Variants in CSMD2 observed in about 807,000 individuals in gnomAD.
CSMD2 encodes CUB and Sushi multiple domains 2.
Under a neutral mutation model 398.5 loss-of-function variants are expected in CSMD2, and 130 were observed. The observed-to-expected ratio is 0.33, with a 90% confidence interval of 0.28 to 0.38. The LOEUF (loss-of-function observed/expected upper bound fraction) is 0.38. Ranked by LOEUF, CSMD2 falls within the 10% of genes least tolerant of loss-of-function variation. The pLI, the probability that CSMD2 is intolerant of heterozygous loss-of-function variation, is 1.00. For synonymous variants in CSMD2, 1,828 were observed against 1,908.5 expected (o/e 0.96, Z 1.10); for missense variants, 3,829 against 4,764.9 (o/e 0.80, Z 5.78).
At chr1:33,573,305 G>A (rs1019097796) in intron 49 of CSMD2, among the ~76,000 whole-genome samples, 2 of 152,050 alleles carry the variant, frequency 1.3e-5, no homozygotes, top group South Asian at 2.1e-4. Flanking sequence ...TTTAAAATAC[G>A]ATCAAGGATC....
At chr1:33,868,503 C>T (rs532020429) in intron 5 of CSMD2, among the ~76,000 whole-genome samples, 69 of 152,060 alleles carry the variant, frequency 4.5e-4, no homozygotes, top group African/African-American at 1.6e-3. Flanking sequence ...TTTGGGAGGC[C>T]GAGGTGGGTG....
intron 25 of CSMD2, among the ~76,000 whole-genome samples, chr1:33,687,739 A>C (rs1645104581): frequency 6.6e-6 from 1 of 152,184 alleles, no homozygotes; most frequent in African/African-American, 2.4e-5. Context: ...AATAAAAATA[A>C]TGAAAAGCAT....
intron 1 of CSMD2, among the ~76,000 whole-genome samples, chr1:34,137,417 T>C (rs1638865491): frequency 6.6e-6 from 1 of 152,204 alleles, no homozygotes. Context: ...CTTCTCTTCC[T>C]CTCATGCCCA....
Position 34,089,165 on chromosome 1 carries a change from A to T in CSMD2, c.216T>A (p.Gly72=). Reference sequence around the variant, plus strand: ...CTGGGCTCTCAACTGTCCCATTGGGACCGTGCAGTTGGAACGTGCAGTTCT... The same window carrying T: ...CTGGGCTCTCAACTGTCCCATTGGGTCCGTGCAGTTGGAACGTGCAGTTCT... ...AGQNCTFQLH[G]PNGTVESPGF... is the part of the protein sequence containing the mutation. Residue 72 remains glycine (G), a synonymous_variant, in exon 2 of 71, where the codon GGT becomes GGA. Coordinates refer to ENST00000373381, the MANE Select transcript of CSMD2 (RefSeq NM_001281956.2). 3 of 1,614,068 alleles carry T rather than the reference A, an allele frequency of 1.9e-6. No homozygotes were observed. Among genetic ancestry groups the T allele is most frequent in the South Asian group, 2.2e-5 (2 of 91,066 alleles).
In CSMD2 at chr1:33,626,538, C is replaced by T. The variant is rs1642140636; in HGVS notation, c.5244G>A (p.Lys1748=). The T allele has an allele frequency of 4.4e-6, 7 of 1,608,674 alleles. No individual in the cohort carries two copies. In the East Asian group the frequency reaches 6.7e-5, roughly 15 times the overall value. The stretch of plus-strand genomic sequence containing the variant: ...CTGGTGCGAGGCCTTTGGCGCTGAA[C>T]TTAATGAGAACTTGATTGGAGGTGG... ...PLATSNQVLI[K]FSAKGLAPAR... Residue 1748 remains lysine (K), a synonymous_variant, in exon 33 of 71, where the codon AAG becomes AAA. Coordinates refer to ENST00000373381, the MANE Select transcript of CSMD2 (RefSeq NM_001281956.2).
chr1:33,695,652 G>T (rs1645398147), intron 24 of CSMD2, among the ~76,000 whole-genome samples: 2 of 152,226 alleles, frequency 1.3e-5, no homozygotes, highest in South Asian at 2.1e-4. Flanking sequence ...TGGCAGAGTT[G>T]CCCACGCTCT....
intron 3 of CSMD2, among the ~76,000 whole-genome samples, chr1:34,000,083 G>C (rs1187538864): frequency 6.6e-6 from 1 of 152,078 alleles, no homozygotes; most frequent in Non-Finnish European, 1.5e-5. Flanking sequence ...CAAACCATTA[G>C]GCATATTTGC....
At chr1:33,688,993 G>C (rs1181166290) in intron 25 of CSMD2, among the ~76,000 whole-genome samples, 1 of 151,896 alleles carries the variant, frequency 6.6e-6, no homozygotes, top group Non-Finnish European at 1.5e-5. Context: ...AGGTGTGTGT[G>C]TGTGTTGGGG....
chr1:33,940,062 C>G (rs1644614842), intron 3 of CSMD2, among the ~76,000 whole-genome samples: 1 of 152,218 alleles, frequency 6.6e-6, no homozygotes, highest in Non-Finnish European at 1.5e-5. Context: ...ATCAAGGTGT[C>G]AGCAGAGCCA....
At chr1:33,704,925 G>A (rs567605941) in intron 22 of CSMD2, among the ~76,000 whole-genome samples, 153 of 150,124 alleles carry the variant, frequency 1.0e-3, no homozygotes, top group Non-Finnish European at 1.9e-3. Context: ...ATCACGTCCC[G>A]CTAATTTTTT....
At position 33,716,463 on chromosome 1, in the gene CSMD2, C is replaced by T; in HGVS notation, c.3040G>A (p.Gly1014Ser). The T allele has an allele frequency of 1.2e-6, 2 of 1,613,822 alleles. No homozygotes were observed. The highest frequency in any genetic ancestry group is 1.7e-6 in the Non-Finnish European group (2 of 1,179,984). The part of the protein sequence containing the change: ...FTFHTFHLES[G>S]HDYLLITENG... The stretch of plus-strand genomic sequence containing the variant: ...TCAGTGATGAGGAGGTAGTCATGGC[C>T]ACTTTCCAGGTGGAAGGTGTGGAAA... The change falls in exon 20 of 71, where the codon GGC becomes AGC. Residue 1014 changes from glycine (G) to serine (S), a missense_variant. By Grantham distance (56) the Gly-to-Ser change is moderately conservative. Transcript: ENST00000373381.
At chr1:33,715,853 T>G (rs1218376023) in intron 20 of CSMD2, among the ~76,000 whole-genome samples, 2 of 152,054 alleles carry the variant, frequency 1.3e-5, no homozygotes, top group African/African-American at 4.8e-5. Context: ...AAATTAGCAT[T>G]GATGAAAAAG....
intron 27 of CSMD2, among the ~76,000 whole-genome samples, chr1:33,657,260 G>A (rs1476353498): frequency 3.9e-5 from 6 of 152,130 alleles, no homozygotes; most frequent in Non-Finnish European, 1.5e-5. Context: ...GAGCCCAGGA[G>A]TTCCAGACCA....
chr1:33,630,089 CCTTG>C (rs1348328312), intron 32 of CSMD2, among the ~76,000 whole-genome samples: 3 of 151,724 alleles, frequency 2.0e-5, no homozygotes, highest in Admixed American at 1.3e-4. Flanking sequence ...TTCCTTCCTT[CCTTG>C]CTTCCTTCCT....
chr1:34,023,809 T>C (rs191146304), intron 3 of CSMD2, among the ~76,000 whole-genome samples: 5 of 152,270 alleles, frequency 3.3e-5, no homozygotes, highest in South Asian at 2.1e-4. Context: ...CTGAGAGGTG[T>C]AGTTCCTTAT....
At position 33,569,413 on chromosome 1, in the gene CSMD2, C is replaced by T. The variant is rs1659369686; in HGVS notation, c.8092G>A (p.Ala2698Thr). 1 of 1,613,992 alleles carries T rather than the reference C, an allele frequency of 6.2e-7. No homozygotes were observed. Among genetic ancestry groups the T allele is most frequent in the Non-Finnish European group, 8.5e-7 (1 of 1,180,020 alleles). Residue 2698 changes from alanine (A) to threonine (T), a missense_variant, in exon 52 of 71, where the codon GCC becomes ACC. By Grantham distance (58) the Ala-to-Thr change is moderately conservative. Coordinates refer to ENST00000373381, the MANE Select transcript of CSMD2 (RefSeq NM_001281956.2). ...TCAGAGCCACTCCAGAGCCCATTGG[C>T]CATGCACTCACGCACCCTGGAGCCC... ...LVGSRVRECM[A>T]NGLWSGSEVR...
At chr1:33,669,391 C>T (rs371665302) in intron 25 of CSMD2, among the ~76,000 whole-genome samples, 4 of 152,154 alleles carry the variant, frequency 2.6e-5, no homozygotes, top group African/African-American at 9.7e-5. Flanking sequence ...TCCTTTCAAT[C>T]CACCTTTTCC....
chr1:33,724,701 A>T lies in CSMD2; in HGVS notation c.2699T>A (p.Ile900Lys). Residue 900 changes from isoleucine to lysine, a missense_variant, in exon 18 of 71, where the codon ATA (isoleucine) becomes AAA (lysine). Transcript: ENST00000373381. ...DIGFQLRYET[I>K]TLQSDHCLDP... is the part of the protein sequence containing the mutation. ...CAGACAGTGGTCTGACTGCAGTGTT[A>T]TAGCTGAAAGAGAGAGGCCACAGCT... 7.4e-6 allele frequency: 12 copies of T among 1,613,838 alleles called. No homozygotes were observed. The highest frequency in any genetic ancestry group is 1.0e-5 in the Non-Finnish European group (12 of 1,179,798).
At chr1:33,720,927 C>T (rs1373471058) in intron 19 of CSMD2, among the ~76,000 whole-genome samples, 1 of 152,058 alleles carries the variant, frequency 6.6e-6, no homozygotes, top group Admixed American at 6.6e-5. Flanking sequence ...CCTCGAACTC[C>T]CAACCTCAGG....
Sources: allele counts gnomAD v4.1 joint callset (sites outside exome capture counted in the v4.1 genomes callset), GRCh38; gene constraint gnomAD v4.1.1; transcripts MANE v1.5; gene names NCBI Gene and HGNC (gene_info 2026-07-23, HGNC 2026-07-21).